Variants in CSMD3 observed in about 807,000 individuals in gnomAD.
The protein encoded by CSMD3 is CUB and Sushi multiple domains 3.
CSMD3 carries 177 observed loss-of-function variants against 435.2 expected under a neutral mutation model. The observed-to-expected ratio is 0.41, with a 90% CI of 0.36 to 0.46. CSMD3 has a LOEUF of 0.46. Ranked by LOEUF, CSMD3 falls within the 20% of genes least tolerant of loss-of-function variation. CSMD3 has a pLI of 0.34. For synonymous variants in CSMD3, 1,656 were observed against 1,520.5 expected (o/e 1.09, Z -2.07); for missense variants, 4,265 against 4,504.6 (o/e 0.95, Z 1.52).
At chr8:112,998,681 ATTT>A (rs2085745111) in intron 6 of CSMD3, among the ~76,000 whole-genome samples, 1 of 151,812 alleles carries the variant, frequency 6.6e-6, no homozygotes, top group Non-Finnish European at 1.5e-5. Context: ...TATGGTTTGG[ATTT>A]GTGTCTCCAC....
chr8:112,699,981 T>A (rs1028777069), intron 13 of CSMD3, among the ~76,000 whole-genome samples: 1 of 152,100 alleles, frequency 6.6e-6, no homozygotes, highest in Non-Finnish European at 1.5e-5. Flanking sequence ...CGTGCGTGTG[T>A]GTAGTTAGTG....
At chr8:112,715,461 CA>C (rs1318763098) in intron 13 of CSMD3, among the ~76,000 whole-genome samples, 2 of 152,102 alleles carry the variant, frequency 1.3e-5, no homozygotes, top group Non-Finnish European at 1.5e-5. Context: ...AATCTCAGGA[CA>C]AGACAAATTC....
intron 4 of CSMD3, among the ~76,000 whole-genome samples, chr8:113,166,827 A>G (rs2092159310): frequency 6.6e-6 from 1 of 152,158 alleles, no homozygotes; most frequent in Admixed American, 6.5e-5. Context: ...ATTCAAAAAT[A>G]TAACTTTACA....
chr8:112,648,759 C>T (rs2075048445), intron 19 of CSMD3, among the ~76,000 whole-genome samples: 1 of 152,022 alleles, frequency 6.6e-6, no homozygotes, highest in Non-Finnish European at 1.5e-5. Context: ...GCCTCCATAC[C>T]TTTCTTTCGT....
At chr8:112,289,265 A>G (rs1393228454) in intron 57 of CSMD3, 100 bp downstream of exon 57, 2 of 999,664 alleles carry the variant, frequency 2.0e-6, no homozygotes, top group Non-Finnish European at 3.2e-6. Context: ...AGAGAGAAAT[A>G]TATTTTAAGT....
In CSMD3 at chr8:112,291,622, A is replaced by G; in HGVS notation, c.8862T>C (p.Thr2954=). ...AGTCATAGAATACCACAGTGCCGTA[A>G]GTAAAATTTCCATGTTCTATTTTAC... ...RESKIEHGNF[T]YGTVVFYDCN... Residue 2954 remains threonine (T), a synonymous_variant, in exon 56 of 71, where the codon ACT becomes ACC. Coordinates refer to ENST00000297405, the MANE Select transcript of CSMD3 (RefSeq NM_198123.2). 3 of 1,611,826 alleles carry G rather than the reference A, an allele frequency of 1.9e-6. No individual in the cohort carries two copies. The highest frequency in any genetic ancestry group is 2.5e-6 in the Non-Finnish European group (3 of 1,178,256).
intron 9 of CSMD3, among the ~76,000 whole-genome samples, chr8:112,923,298 T>C (rs2082803598): frequency 6.6e-6 from 1 of 152,122 alleles, no homozygotes; most frequent in Non-Finnish European, 1.5e-5. Flanking sequence ...CATCCCTGTT[T>C]CACTCAGAAT....
At chr8:112,800,136 T>C (rs372677432) in intron 13 of CSMD3, 26 bp downstream of exon 13, 137 of 1,409,824 alleles carry the variant, frequency 9.7e-5, no homozygotes, top group Middle Eastern at 3.5e-4. Flanking sequence ...TAAGATAACA[T>C]TTCCTATGTA....
At chr8:112,307,642 G>C (rs1179578663) in intron 50 of CSMD3, among the ~76,000 whole-genome samples, 1 of 151,974 alleles carries the variant, frequency 6.6e-6, no homozygotes, top group Non-Finnish European at 1.5e-5. Flanking sequence ...TCCACATAAG[G>C]ACTAACGTAT....
intron 65 of CSMD3, among the ~76,000 whole-genome samples, chr8:112,244,170 A>G (rs1814459262): frequency 6.6e-6 from 1 of 152,172 alleles, no homozygotes; most frequent in Non-Finnish European, 1.5e-5. Flanking sequence ...ATTTGAAGAT[A>G]GAATTAAGGC....
rs747591023 is a variant in CSMD3, at chr8:112,517,037, T to C, written c.4753A>G (p.Ile1585Val). 38 of 1,611,112 alleles carry C rather than the reference T, an allele frequency of 2.4e-5. No homozygotes were observed. The highest frequency in any genetic ancestry group is 3.1e-5 in the Non-Finnish European group (36 of 1,177,830). ...YFWQPSPPVC[I>V]APCGGNLTGS... ...TTAATTGTTCTTTAATTCATACCTA[T>C]ACAGACTGGTGGGCTGGGCTGCCAG... Residue 1585 changes from isoleucine (I) to valine (V), a missense_variant, in exon 28 of 71, where the codon ATA (isoleucine) becomes GTA (valine). This residue lies in a region of CSMD3 where 3,255 missense variants were observed against 3,380.2 expected (regional missense o/e 0.96). Coordinates refer to ENST00000297405, the MANE Select transcript of CSMD3 (RefSeq NM_198123.2).
At chr8:112,584,644 C>T (rs1418716606) in intron 23 of CSMD3, among the ~76,000 whole-genome samples, 1 of 151,652 alleles carries the variant, frequency 6.6e-6, no homozygotes, top group Non-Finnish European at 1.5e-5. Flanking sequence ...ATCTCTCCTC[C>T]TAAACTTGAT....
chr8:112,956,624 C>A (rs2084029025), intron 7 of CSMD3, among the ~76,000 whole-genome samples: 1 of 151,966 alleles, frequency 6.6e-6, no homozygotes, highest in Non-Finnish European at 1.5e-5. Context: ...GATTATCAGA[C>A]CAAAGGAGAA....
At chr8:112,785,586 C>G (rs1049065121) in intron 13 of CSMD3, among the ~76,000 whole-genome samples, 2 of 151,898 alleles carry the variant, frequency 1.3e-5, no homozygotes, top group Non-Finnish European at 2.9e-5. Flanking sequence ...AATCAACAGG[C>G]AAAAATCAGT....
intron 5 of CSMD3, among the ~76,000 whole-genome samples, chr8:113,054,577 C>CATT: frequency 6.6e-6 from 1 of 152,236 alleles, no homozygotes; most frequent in Non-Finnish European, 1.5e-5. Flanking sequence ...GTTTGTCTAT[C>CATT]ATTTGCTCCT....
Position 112,975,834 on chromosome 8 carries a change from T to C in CSMD3, c.1342+3A>G. The C allele has an allele frequency of 6.2e-7, 1 of 1,612,820 alleles. No homozygotes were observed. The highest frequency in any genetic ancestry group is 8.5e-7 in the Non-Finnish European group (1 of 1,179,772). ...TGGGCACAAGTAAAATAACATCCAA[T>C]ACCTCTATGAGTAACAACTGCAAGC... On this transcript the variant is annotated splice_donor_region_variant and intron_variant, in intron 7 of 70. Transcript: ENST00000297405.
chr8:113,363,828 A>G (rs1389947409), intron 1 of CSMD3, among the ~76,000 whole-genome samples: 1 of 152,166 alleles, frequency 6.6e-6, no homozygotes, highest in Non-Finnish European at 1.5e-5. Context: ...ATCTCTGACT[A>G]TACATTTTCA....
At chr8:112,816,595 A>G (rs1745179017) in intron 12 of CSMD3, among the ~76,000 whole-genome samples, 1 of 152,112 alleles carries the variant, frequency 6.6e-6, no homozygotes, top group Non-Finnish European at 1.5e-5. Context: ...AATTTGTTCA[A>G]GGCAAATATC....
intron 28 of CSMD3, among the ~76,000 whole-genome samples, chr8:112,515,742 C>T (rs2130979314): frequency 6.6e-6 from 1 of 152,114 alleles, no homozygotes; most frequent in Admixed American, 6.5e-5. Flanking sequence ...CAGCAGAGAT[C>T]TAGAACTGTC....
Sources: allele counts gnomAD v4.1 joint callset (sites outside exome capture counted in the v4.1 genomes callset), GRCh38; gene constraint gnomAD v4.1.1; regional missense constraint gnomAD v4.1.1; transcripts MANE v1.5; gene names NCBI Gene and HGNC (gene_info 2026-07-23, HGNC 2026-07-21).